CARM1: variants seen among roughly 807,000 people sequenced by gnomAD.
The protein encoded by CARM1 is coactivator associated arginine methyltransferase 1.
A neutral mutation model predicts 72.7 loss-of-function variants in CARM1; 14 were observed. The observed-to-expected ratio is 0.19, with a 90% CI of 0.13 to 0.30. CARM1 has a LOEUF of 0.30. CARM1 is among the 10% of genes least tolerant of loss of function. The pLI is 1.00. For synonymous variants in CARM1, 333 were observed against 345.5 expected (o/e 0.96, Z 0.40); for missense variants, 432 against 833.7 (o/e 0.52, Z 5.93).
intron 8 of CARM1, among the ~76,000 whole-genome samples, chr19:10,917,706 C>T (rs553526450): frequency 2.0e-5 from 3 of 149,614 alleles, no homozygotes; most frequent in African/African-American, 7.4e-5. Flanking sequence ...TTTTTTCTCT[C>T]ATTTTCTTTT....
At position 10,871,994 on chromosome 19, in the gene CARM1, G is replaced by T; in HGVS notation, c.220+72G>T. The stretch of plus-strand genomic sequence containing the variant: ...AGGCCGGCCCGGGGCGGGGGCCGGC[G>T]GGGAGGGGCCCTGAGCGCGGGGGCC... On this transcript the variant is annotated intron_variant, in intron 1 of 15. Transcript: ENST00000327064. This position sits in a 1 kb window ranked among gnomAD's most constrained non-coding sequence, Gnocchi z 5.6. 8.8e-7 allele frequency: 1 copy of T among 1,134,646 alleles called. No homozygotes were observed. The highest frequency in any genetic ancestry group is 1.1e-6 in the Non-Finnish European group (1 of 919,344). 70.3% of individuals were successfully genotyped at this position (1,134,646 alleles called of 1,614,324 possible). A position where few individuals can be genotyped will look rare whatever the true frequency, so the allele number is the denominator to read the frequency against.
chr19:10,904,896 AAAG>A (rs1455182843), intron 1 of CARM1, 52 bp from the exon 2 acceptor site: 4 of 1,591,548 alleles, frequency 2.5e-6, no homozygotes, highest in Non-Finnish European at 3.4e-6. Context: ...CCCAGGCTCA[AAAG>A]AAGGCAGCTG....
At chr19:10,875,547 C>G (rs915958413) in intron 1 of CARM1, among the ~76,000 whole-genome samples, 1 of 152,044 alleles carries the variant, frequency 6.6e-6, no homozygotes, top group Non-Finnish European at 1.5e-5. Flanking sequence ...GCCTCAGCCT[C>G]CCGGGTAGCT....
rs777234304 is a variant in CARM1, at chr19:10,920,933, G to C, written c.1524G>C (p.Gly508=). Residue 508 remains glycine (G), a synonymous_variant, in exon 13 of 16, where the codon GGG becomes GGC. Transcript: ENST00000327064. The surrounding 1 kb of genome is among the most constrained non-coding windows in gnomAD (Gnocchi z 5.3). ...NTGSTYNLSS[G]MAVAGMPTAY... ...GCAGCACCTACAACCTCAGCAGCGG[G>C]ATGGCCGTGGCAGGTGAGCAGGGCC... 7 of 1,614,222 alleles carry C rather than the reference G, an allele frequency of 4.3e-6. No homozygotes were observed. In the Admixed American group the frequency reaches 1.2e-4, roughly 27 times the overall value.
At chr19:10,876,813 G>T (rs1223974734) in intron 1 of CARM1, among the ~76,000 whole-genome samples, 1 of 152,236 alleles carries the variant, frequency 6.6e-6, no homozygotes, top group African/African-American at 2.4e-5. Context: ...AGGGAGGGGT[G>T]CCGGGAAAGA....
At chr19:10,919,766 C>T (rs2074225289) in intron 9 of CARM1, 86 bp downstream of exon 9, 1 of 1,503,250 alleles carries the variant, frequency 6.7e-7, no homozygotes, top group Non-Finnish European at 9.2e-7. Context: ...ATCCTGCCGT[C>T]CCAGGGCAGA....
chr19:10,890,307 G>T (rs555914302), intron 1 of CARM1, among the ~76,000 whole-genome samples: 5 of 130,156 alleles, frequency 3.8e-5, no homozygotes, highest in Admixed American at 2.5e-4. Flanking sequence ...CGCTCTTGTT[G>T]TCCAGGCTGG....
chr19:10,900,323 T>C (rs933719141), intron 1 of CARM1, among the ~76,000 whole-genome samples: 2 of 152,176 alleles, frequency 1.3e-5, no homozygotes, highest in African/African-American at 4.8e-5. Context: ...TCCCAAAATA[T>C]GTTTGTCACC....
chr19:10,883,837 G>A (rs1479019283), intron 1 of CARM1, among the ~76,000 whole-genome samples: 1 of 151,468 alleles, frequency 6.6e-6, no homozygotes, highest in Admixed American at 6.6e-5. Context: ...GGCCAACATG[G>A]TGAAACCCCA....
chr19:10,919,771 G>A, intron 9 of CARM1, 91 bp downstream of exon 9: 1 of 1,498,330 alleles, frequency 6.7e-7, no homozygotes, highest in East Asian at 2.3e-5. Context: ...GCCGTCCCAG[G>A]GCAGATGGTG....
At chr19:10,907,809 C>T (rs543492433) in intron 2 of CARM1, among the ~76,000 whole-genome samples, 2 of 152,356 alleles carry the variant, frequency 1.3e-5, no homozygotes, top group East Asian at 3.9e-4. Context: ...ACAGCAGCCC[C>T]ACATGCAGGC....
chr19:10,882,385 C>T (rs904795195), intron 1 of CARM1, among the ~76,000 whole-genome samples: 8 of 152,024 alleles, frequency 5.3e-5, no homozygotes, highest in Non-Finnish European at 1.2e-4. Context: ...TCAGTGTCCC[C>T]GAATCTCAGC....
At chr19:10,902,781 T>C (rs2074075937) in intron 1 of CARM1, among the ~76,000 whole-genome samples, 1 of 152,052 alleles carries the variant, frequency 6.6e-6, no homozygotes. Flanking sequence ...CTAATATTTT[T>C]ATATTTTTAG....
intron 1 of CARM1, among the ~76,000 whole-genome samples, chr19:10,887,302 G>A (rs1040471459): frequency 7.2e-5 from 11 of 152,176 alleles, no homozygotes; most frequent in Admixed American, 1.3e-4. Context: ...TCCAGAGCTC[G>A]CCAAAGCCAG....
chr19:10,909,086 G>A lies in CARM1; in HGVS notation c.454-17G>A. 1 of 1,597,304 alleles carries A rather than the reference G, an allele frequency of 6.3e-7. No individual in the cohort carries two copies. Among genetic ancestry groups the A allele is most frequent in the Non-Finnish European group, 8.6e-7 (1 of 1,165,350 alleles). ...TGCCACCATGTGCCCCGTGCCATCG[G>A]TATGTCTCTGTTCCAGTTTTATGGC... On this transcript the variant is annotated splice_polypyrimidine_tract_variant and intron_variant, in intron 3 of 15. Transcript: ENST00000327064.
At chr19:10,884,758 G>A (rs929194783) in intron 1 of CARM1, among the ~76,000 whole-genome samples, 2 of 152,004 alleles carry the variant, frequency 1.3e-5, no homozygotes. Flanking sequence ...AGGCTGGAGT[G>A]CAGTAGCGTG....
intron 1 of CARM1, among the ~76,000 whole-genome samples, chr19:10,893,559 C>T (rs1837075627): frequency 6.6e-6 from 1 of 151,858 alleles, no homozygotes; most frequent in Admixed American, 6.6e-5. Flanking sequence ...AGGATGGTCT[C>T]GATCTCCTGA....
intron 1 of CARM1, among the ~76,000 whole-genome samples, chr19:10,884,027 TTTTCG>T (rs1160941140): frequency 4.9e-5 from 7 of 143,080 alleles, no homozygotes; most frequent in African/African-American, 5.2e-5. Context: ...TTTTTTTTTT[TTTTCG>T]TTTTTTGTTT....
At chr19:10,918,470 G>A (rs1568356939) in intron 8 of CARM1, among the ~76,000 whole-genome samples, 2 of 152,082 alleles carry the variant, frequency 1.3e-5, no homozygotes, top group South Asian at 4.1e-4. Context: ...TGATCCGTCC[G>A]CCTCGGCCTC....
Sources: allele counts gnomAD v4.1 joint callset (sites outside exome capture counted in the v4.1 genomes callset), GRCh38; gene constraint gnomAD v4.1.1; non-coding constraint Gnocchi (gnomAD v3.1); transcripts MANE v1.5; gene names NCBI Gene and HGNC (gene_info 2026-07-23, HGNC 2026-07-21).